C17orf78: variants seen among roughly 807,000 people sequenced by gnomAD.
C17orf78 encodes the protein chromosome 17 open reading frame 78.
C17orf78 carries 27 observed loss-of-function variants against 31.8 expected under a neutral mutation model. The ratio of observed to expected loss-of-function variants is 0.85; its 90% CI spans 0.63 to 1.17. The LOEUF (loss-of-function observed/expected upper bound fraction) is 1.17. C17orf78 is among the 50% of genes most tolerant of loss of function. The probability of loss-of-function intolerance (pLI) is 0.00; values close to 1 mark genes in which losing one functional copy is unlikely to be tolerated. For missense variants in C17orf78, 258 were observed against 315.2 expected, an observed-to-expected ratio of 0.82 and a Z score of 1.37; for synonymous variants, 106 against 115.1, an observed-to-expected ratio of 0.92 and a Z score of 0.51.
At position 37,390,330 on chromosome 17, in the gene C17orf78, A is replaced by ATATATAATATATATATC. The variant is rs1386032855; in HGVS notation, c.750+972_750+973insTAATATATATATCTATA. 4.8e-5 allele frequency among the ~76,000 whole-genome samples: 2 copies of ATATATAATATATATATC among 41,592 alleles called. 1 individual carries two copies. The highest frequency in any genetic ancestry group is 2.6e-4 in the African/African-American group (2 of 7,838). 27.3% of individuals were successfully genotyped at this position (41,592 alleles called of 152,430 possible). ...TATATATATATATATATATATATAT[A>ATATATAATATATATATC]TATAAAAGGCCAGCTGGGCCGGGCA... On this transcript the variant is annotated intron_variant, in intron 6 of 6. Transcript: ENST00000615133.
At chr17:37,381,746 G>A (rs866249393) in intron 3 of C17orf78, among the ~76,000 whole-genome samples, 7 of 150,006 alleles carry the variant, frequency 4.7e-5, no homozygotes, top group African/African-American at 1.7e-4. Flanking sequence ...TCCTGCCTCA[G>A]CCTCCCGAGT....
chr17:37,377,921 T>A lies in C17orf78; in HGVS notation c.101T>A (p.Ile34Asn). The A allele has an allele frequency of 6.2e-7, 1 of 1,613,298 alleles. No individual in the cohort carries two copies. Among genetic ancestry groups the A allele is most frequent in the Non-Finnish European group, 8.5e-7 (1 of 1,179,784 alleles). ...SSCRLEQLPG[I>N]FPKDVRSIRE... ...TGCCGACTGGAACAGCTGCCTGGGA[T>A]CTTCCCAAAAGACGTGAGAAGCATC... Residue 34 changes from isoleucine (I) to asparagine (N), a missense_variant, in exon 2 of 7, where the codon ATC (isoleucine) becomes AAC (asparagine). Transcript: ENST00000615133.
chr17:37,382,246 G>A (rs941021637), intron 3 of C17orf78, among the ~76,000 whole-genome samples: 2 of 151,964 alleles, frequency 1.3e-5, no homozygotes, highest in African/African-American at 4.8e-5. Flanking sequence ...TCCACACTGG[G>A]GGAGAATGCC....
At chr17:37,382,188 T>C (rs980560936) in intron 3 of C17orf78, among the ~76,000 whole-genome samples, 1 of 152,136 alleles carries the variant, frequency 6.6e-6, no homozygotes, top group Non-Finnish European at 1.5e-5. Context: ...CAAAGGCTGA[T>C]AGTTACTGCT....
Position 37,386,040 on chromosome 17 carries a change from C to T in C17orf78, c.423C>T (p.Val141=), listed in dbSNP as rs1216285638. The change falls in exon 4 of 7, where the codon GTC becomes GTT. Residue 141 remains valine (V), a synonymous_variant. Transcript: ENST00000615133. Reference sequence around the variant, plus strand: ...TACCAGGGATCTCACAATGTAAAGTCCTGGGGGCTTCATCAGAGACTTTTC... The same window carrying T: ...TACCAGGGATCTCACAATGTAAAGTTCTGGGGGCTTCATCAGAGACTTTTC... ...AFLPGISQCK[V]LGASSETFPT... is the part of the protein sequence containing the mutation. 6.2e-7 allele frequency: 1 copy of T among 1,603,988 alleles called. No individual in the cohort carries two copies. Among genetic ancestry groups the T allele is most frequent in the Admixed American group, 1.7e-5 (1 of 59,554 alleles).
intron 6 of C17orf78, 76 bp downstream of exon 6, chr17:37,389,438 T>C (rs962314814): frequency 6.6e-7 from 1 of 1,513,638 alleles, no homozygotes; most frequent in African/African-American, 1.4e-5. Context: ...GGCTCACACC[T>C]CTATTCCCAG....
At chr17:37,390,317 T>G (rs868364863) in intron 6 of C17orf78, among the ~76,000 whole-genome samples, 1 of 51,070 alleles carries the variant, frequency 2.0e-5, no homozygotes, top group Non-Finnish European at 3.1e-5. Context: ...TATATATATA[T>G]ATATATATAT....
chr17:37,390,247 TATATATTATATATAATTATATATA>T lies in C17orf78; in HGVS notation c.750+909_750+932del, dbSNP rs1391766786. Among the ~76,000 whole-genome samples the T allele has an allele frequency of 5.8e-3, 211 of 36,216 alleles. 1 individual carries two copies. The highest frequency in any genetic ancestry group is 7.6e-3 in the Non-Finnish European group (186 of 24,508). 23.8% of individuals were successfully genotyped at this position (36,216 alleles called of 152,430 possible). On this transcript the variant is annotated intron_variant, in intron 6 of 6. Transcript: ENST00000615133. Reference sequence around the variant, plus strand: ...ATATAATTATATATAATATATTATATATATATTATATATAATTATATATAATATATTATATATAATTATATATTA... The same window carrying T: ...ATATAATTATATATAATATATTATATATATATTATATATAATTATATATTA...
intron 3 of C17orf78, among the ~76,000 whole-genome samples, chr17:37,382,910 G>T (rs770947693): frequency 6.6e-6 from 1 of 151,942 alleles, no homozygotes; most frequent in Non-Finnish European, 1.5e-5. Flanking sequence ...GGAGGCACGC[G>T]CTTGTAGTCC....
rs2050079388 is a variant in C17orf78 at position 37,377,922 on chromosome 17, C to A, written c.102C>A (p.Ile34=). The A allele has an allele frequency of 6.2e-7, 1 of 1,613,540 alleles. No homozygotes were observed. The highest frequency in any genetic ancestry group is 1.3e-5 in the African/African-American group (1 of 74,856). The change falls in exon 2 of 7, where the codon ATC becomes ATA. Residue 34 remains isoleucine (I), a synonymous_variant. Transcript: ENST00000615133. ...SSCRLEQLPG[I]FPKDVRSIRE... ...GCCGACTGGAACAGCTGCCTGGGAT[C>A]TTCCCAAAAGACGTGAGAAGCATCA...
chr17:37,385,134 C>T (rs1400855783), intron 3 of C17orf78, among the ~76,000 whole-genome samples: 2 of 152,044 alleles, frequency 1.3e-5, no homozygotes, highest in African/African-American at 4.8e-5. Flanking sequence ...TCTACCCTTG[C>T]CCACCCCAAC....
At chr17:37,383,351 G>C (rs541272388) in intron 3 of C17orf78, among the ~76,000 whole-genome samples, 1 of 152,230 alleles carries the variant, frequency 6.6e-6, no homozygotes, top group East Asian at 1.9e-4. Context: ...TTTGCACTTG[G>C]TTAGCCTCCC....
At chr17:37,385,814 A>G (rs1429300820) in intron 3 of C17orf78, among the ~76,000 whole-genome samples, 195 bp from the exon 4 acceptor site, 1 of 152,138 alleles carries the variant, frequency 6.6e-6, no homozygotes, top group Non-Finnish European at 1.5e-5. Flanking sequence ...CATTTAATCC[A>G]TATCTCTTAT....
chr17:37,391,896 C>T lies in C17orf78; in HGVS notation c.*172C>T, dbSNP rs904117247. 6 of 630,912 alleles carry T rather than the reference C, an allele frequency of 9.5e-6. No individual in the cohort carries two copies. The highest frequency in any genetic ancestry group is 1.8e-5 in the African/African-American group (1 of 54,920). 39.1% of individuals were successfully genotyped at this position (630,912 alleles called of 1,614,324 possible). On this transcript the variant is annotated 3_prime_UTR_variant, in exon 7 of 7. Coordinates refer to ENST00000615133, the MANE Select transcript of C17orf78 (RefSeq NM_173625.5). Reference sequence around the variant, plus strand: ...GGGCTTAGCAGAGTTACCCTCATGCCCCTATCTGAGCCACAACCTTCTGTA... The same window carrying T: ...GGGCTTAGCAGAGTTACCCTCATGCTCCTATCTGAGCCACAACCTTCTGTA...
chr17:37,386,718 C>A (rs946748580), intron 4 of C17orf78, among the ~76,000 whole-genome samples: 1 of 152,180 alleles, frequency 6.6e-6, no homozygotes, highest in Non-Finnish European at 1.5e-5. Flanking sequence ...ACAGAAAAAA[C>A]TGTATTTCTG....
intron 6 of C17orf78, among the ~76,000 whole-genome samples, chr17:37,390,897 G>T (rs2050853781): frequency 6.6e-6 from 1 of 152,104 alleles, no homozygotes; most frequent in Non-Finnish European, 1.5e-5. Context: ...CCAGGTAGCT[G>T]CAACTGTGAT....
intron 1 of C17orf78, 38 bp from the exon 2 acceptor site, chr17:37,377,841 T>C: frequency 6.5e-7 from 1 of 1,531,258 alleles, no homozygotes; most frequent in Non-Finnish European, 9.0e-7. Context: ...TCCCCAAACC[T>C]TCCCCGGTTC....
chr17:37,390,333 T>TATATAA, intron 6 of C17orf78, among the ~76,000 whole-genome samples: 1 of 92,144 alleles, frequency 1.1e-5, no homozygotes, highest in South Asian at 3.2e-4. Flanking sequence ...TATATATATA[T>TATATAA]AAAAGGCCAG....
At chr17:37,382,562 C>G (rs2050343548) in intron 3 of C17orf78, among the ~76,000 whole-genome samples, 1 of 151,890 alleles carries the variant, frequency 6.6e-6, no homozygotes, top group South Asian at 2.1e-4. Context: ...TACAGAAAAA[C>G]TCTTAAAAAC....
Sources: gnomAD v4.1 joint callset for allele counts (sites outside exome capture counted in the v4.1 genomes callset) on GRCh38, gnomAD v4.1.1 for gene constraint, MANE v1.5 for transcripts, NCBI Gene and HGNC (gene_info 2026-07-23, HGNC 2026-07-21) for gene names.